AEBP2: variants seen among roughly 807,000 people sequenced by gnomAD.
AEBP2 encodes the protein zinc finger protein AEBP2.
A neutral mutation model predicts 50.8 loss-of-function variants in AEBP2; 10 were observed. That is an observed-to-expected ratio of 0.20 (90% CI 0.12 to 0.33). The LOEUF (loss-of-function observed/expected upper bound fraction) is 0.33, where lower values mean the gene tolerates loss of function less well. Among genes scored for constraint, AEBP2 ranks in the 10% least tolerant of loss-of-function variants. The pLI, the probability that AEBP2 is intolerant of heterozygous loss-of-function variation, is 1.00. For synonymous variants in AEBP2, 296 were observed against 261.3 expected (o/e 1.13, Z -1.28); for missense variants, 570 against 688.0 (o/e 0.83, Z 1.92).
At chr12:19,506,373 T>C (rs1949156238) in intron 5 of AEBP2, among the ~76,000 whole-genome samples, 1 of 152,244 alleles carries the variant, frequency 6.6e-6, no homozygotes, top group African/African-American at 2.4e-5. Flanking sequence ...GTGCTGGGAT[T>C]ACAGGCATGA....
At chr12:19,469,885 C>G (rs1948544186) in intron 2 of AEBP2, among the ~76,000 whole-genome samples, 1 of 152,132 alleles carries the variant, frequency 6.6e-6, no homozygotes, top group Non-Finnish European at 1.5e-5. Flanking sequence ...ATAGAAGAAC[C>G]ATGGCAAATT....
chr12:19,478,539 C>T (rs138815553), intron 3 of AEBP2, among the ~76,000 whole-genome samples: 375 of 152,278 alleles, frequency 2.5e-3, no homozygotes, highest in African/African-American at 8.5e-3. Flanking sequence ...ATCCACCTGC[C>T]TAGGCCTCCT....
chr12:19,451,877 C>A (rs1948171472), intron 1 of AEBP2, among the ~76,000 whole-genome samples: 1 of 151,828 alleles, frequency 6.6e-6, no homozygotes, highest in African/African-American at 2.4e-5. Context: ...TTAAAGTGGC[C>A]ATCTTTTGTT....
intron 7 of AEBP2, among the ~76,000 whole-genome samples, chr12:19,515,727 T>A (rs1051014382): frequency 1.3e-5 from 2 of 152,344 alleles, no homozygotes; most frequent in Middle Eastern, 6.8e-3. Context: ...TTTCCTGTAA[T>A]TTGAGACATT....
chr12:19,497,866 A>G (rs1384490996), intron 4 of AEBP2, among the ~76,000 whole-genome samples: 3 of 152,234 alleles, frequency 2.0e-5, no homozygotes, highest in Non-Finnish European at 4.4e-5. Context: ...TACGGGTAAT[A>G]CTACTACTGC....
chr12:19,442,301 G>C (rs1336746470), intron 1 of AEBP2, among the ~76,000 whole-genome samples: 1 of 152,092 alleles, frequency 6.6e-6, no homozygotes, highest in South Asian at 2.1e-4. Flanking sequence ...CCAGCTACTC[G>C]GGAGGCTGAG....
intron 5 of AEBP2, among the ~76,000 whole-genome samples, chr12:19,505,020 TTC>T (rs1949135106): frequency 6.6e-6 from 1 of 152,192 alleles, no homozygotes; most frequent in South Asian, 2.1e-4. Flanking sequence ...GGTGTCCTTA[TTC>T]TCTTTTAAAT....
intron 3 of AEBP2, among the ~76,000 whole-genome samples, chr12:19,478,748 A>G (rs190840062): frequency 1.6e-3 from 248 of 152,244 alleles, no homozygotes; most frequent in Middle Eastern, 3.4e-3. Context: ...GGAGCAGATT[A>G]TTTAATTTCC....
intron 3 of AEBP2, among the ~76,000 whole-genome samples, chr12:19,479,895 A>C (rs910719143): frequency 1.3e-5 from 2 of 151,790 alleles, no homozygotes; most frequent in Admixed American, 6.6e-5. Context: ...TCTCTTGAAG[A>C]CAGCAGATAC....
intron 1 of AEBP2, among the ~76,000 whole-genome samples, chr12:19,424,773 C>T (rs902750144): frequency 2.0e-5 from 3 of 151,882 alleles, no homozygotes; most frequent in African/African-American, 4.8e-5. Flanking sequence ...TTTGGGAAGT[C>T]GAGGTGGGTG....
At chr12:19,450,667 CA>C (rs377612745) in intron 1 of AEBP2, among the ~76,000 whole-genome samples, 87 of 119,632 alleles carry the variant, frequency 7.3e-4, no homozygotes, top group South Asian at 4.1e-3. Flanking sequence ...CCATCTCTAC[CA>C]AAAAAAAAAA....
At chr12:19,499,902 C>G (rs1949040439) in intron 4 of AEBP2, among the ~76,000 whole-genome samples, 195 bp from the exon 5 acceptor site, 2 of 152,110 alleles carry the variant, frequency 1.3e-5, no homozygotes, top group Non-Finnish European at 2.9e-5. Flanking sequence ...TCAGAATTAA[C>G]CCACATTCAC....
chr12:19,453,454 C>A (rs1397391303), intron 1 of AEBP2, among the ~76,000 whole-genome samples: 2 of 150,208 alleles, frequency 1.3e-5, no homozygotes, highest in Admixed American at 1.3e-4. Flanking sequence ...GAGTCTTGCT[C>A]TTTTGCTCAG....
At position 19,431,972 on chromosome 12, in the gene AEBP2, ATAG is replaced by A. The variant is rs148098714; in HGVS notation, c.-17+27760_-17+27762del. 1.9e-3 allele frequency among the ~76,000 whole-genome samples: 291 copies of A among 152,276 alleles called. 2 individuals carry two copies. Among genetic ancestry groups the A allele is most frequent in the African/African-American group, 6.9e-3 (287 of 41,552 alleles). On this transcript the variant is annotated intron_variant, in intron 1 of 3. Transcript: ENST00000538425. ...TTTTCAGAAGTATGTCATTTGTAGTATAGTAGGAATCTCAGCTCCAGTCTAAGC... is the reference window on the plus strand; with the variant it reads ...TTTTCAGAAGTATGTCATTTGTAGTATAGGAATCTCAGCTCCAGTCTAAGC...
At chr12:19,456,169 C>T in intron 1 of AEBP2, 1 of 1,009,550 alleles carries the variant, frequency 9.9e-7, no homozygotes, top group Non-Finnish European at 1.5e-6. Context: ...CTTAAATGGC[C>T]AATTGAAACA....
At chr12:19,429,232 G>GT (rs1412195033) in intron 1 of AEBP2, among the ~76,000 whole-genome samples, 1 of 152,060 alleles carries the variant, frequency 6.6e-6, no homozygotes. Flanking sequence ...GCGGTGTTTG[G>GT]TTTTTTGTCC....
rs2095737584 is a variant in AEBP2, at chr12:19,408,601, G to A, written c.-17+4385G>A. On this transcript the variant is annotated intron_variant, in intron 1 of 3. Coordinates refer to the AEBP2 transcript ENST00000538425. ...TTTCTGGATTTAATGTGAATGAATC[G>A]CCTATTTCAAAAATGCAAGGCCGGG... is the stretch of plus-strand genomic sequence containing the variant. 4.0e-5 allele frequency among the ~76,000 whole-genome samples: 6 copies of A among 151,290 alleles called. No individual in the cohort carries two copies. The South Asian group carries it at 1.3e-3, about 32-fold the overall frequency.
At chr12:19,508,138 G>A (rs1429702937) in intron 5 of AEBP2, among the ~76,000 whole-genome samples, 1 of 152,126 alleles carries the variant, frequency 6.6e-6, no homozygotes, top group Non-Finnish European at 1.5e-5. Flanking sequence ...CCAGACCTGT[G>A]TTTGGGCTTT....
intron 4 of AEBP2, among the ~76,000 whole-genome samples, chr12:19,498,514 A>G (rs1949019693): frequency 6.6e-6 from 1 of 152,178 alleles, no homozygotes; most frequent in African/African-American, 2.4e-5. Flanking sequence ...ATTTGTGTAG[A>G]TGTTTTGAGA....
Sources: allele counts gnomAD v4.1 joint callset (sites outside exome capture counted in the v4.1 genomes callset), GRCh38; gene constraint gnomAD v4.1.1; transcripts MANE v1.5; gene names NCBI Gene and HGNC (gene_info 2026-07-23, HGNC 2026-07-21).